TBCA: variants seen among roughly 807,000 people sequenced by gnomAD.
The protein encoded by TBCA is tubulin folding cofactor A.
TBCA carries 6 observed loss-of-function variants against 15.8 expected under a neutral mutation model. That is an observed-to-expected ratio of 0.38 (90% confidence interval 0.21 to 0.75). The LOEUF (loss-of-function observed/expected upper bound fraction) is 0.75. TBCA is among the 30% of genes least tolerant of loss of function. The pLI is 0.46. For missense variants in TBCA, 90 were observed against 131.2 expected (o/e 0.69, Z 1.53); for synonymous variants, 32 against 42.3 (o/e 0.76, Z 0.94).
intron 1 of TBCA, among the ~76,000 whole-genome samples, chr5:77,762,067 C>T (rs1027677131): frequency 2.6e-5 from 4 of 152,168 alleles, no homozygotes; most frequent in Admixed American, 2.6e-4. Flanking sequence ...GTGAGGCACT[C>T]TCCTTCAAAG....
intron 2 of TBCA, among the ~76,000 whole-genome samples, chr5:77,693,939 T>C (rs1027266782): frequency 1.2e-4 from 18 of 152,064 alleles, no homozygotes; most frequent in Admixed American, 1.3e-4. Flanking sequence ...AAGCTTTTCA[T>C]AGAGCATTTA....
At chr5:77,722,727 C>T (rs1014259314) in intron 1 of TBCA, among the ~76,000 whole-genome samples, 2 of 151,786 alleles carry the variant, frequency 1.3e-5, no homozygotes, top group Admixed American at 6.6e-5. Flanking sequence ...AAGTAATATG[C>T]AAAATTCTGA....
At chr5:77,700,395 G>T (rs543345218) in intron 2 of TBCA, among the ~76,000 whole-genome samples, 1 of 151,900 alleles carries the variant, frequency 6.6e-6, no homozygotes, top group African/African-American at 2.4e-5. Context: ...TGGGCAAAAG[G>T]CCTGATCACT....
rs562022661 is a variant in TBCA at position 77,696,047 on chromosome 5, G to A, written c.160-2695C>T. 1.5e-4 allele frequency among the ~76,000 whole-genome samples: 23 copies of A among 152,258 alleles called. No individual in the cohort carries two copies. The South Asian group carries it at 4.2e-3, about 27-fold the overall frequency. ...AATTGGAAAGGATATACCCCAATTG[G>A]CAGATCTTCATTTTTGTCAGAAAGA... On this transcript the variant is annotated intron_variant, in intron 2 of 3. Transcript: ENST00000380377.
Position 77,714,643 on chromosome 5 carries a change from T to C in TBCA, c.54-6296A>G, listed in dbSNP as rs1746357799. Among the ~76,000 whole-genome samples the C allele has an allele frequency of 2.0e-5, 3 of 151,900 alleles. No homozygotes were observed. The South Asian group carries it at 6.3e-4, about 32-fold the overall frequency. On this transcript the variant is annotated intron_variant, in intron 1 of 3. Coordinates refer to ENST00000380377, the MANE Select transcript of TBCA (RefSeq NM_004607.3). ...GTGCAGTGGCGCAATCTCAGCCTAC[T>C]GCAAGCTCCGCCTCCCAGGTTCATG...
intron 1 of TBCA, among the ~76,000 whole-genome samples, chr5:77,772,880 T>C (rs1348297992): frequency 6.6e-6 from 1 of 152,236 alleles, no homozygotes; most frequent in Non-Finnish European, 1.5e-5. Flanking sequence ...TATAATAATC[T>C]CAATGAGTAT....
chr5:77,759,024 CA>C (rs1363935695), intron 1 of TBCA, among the ~76,000 whole-genome samples: 23 of 152,302 alleles, frequency 1.5e-4, no homozygotes, highest in African/African-American at 5.5e-4. Flanking sequence ...GGATAACTGC[CA>C]AACCATCACC....
chr5:77,759,831 A>G (rs1747564840), intron 1 of TBCA, among the ~76,000 whole-genome samples: 1 of 152,212 alleles, frequency 6.6e-6, no homozygotes, highest in Admixed American at 6.5e-5. Context: ...GTATACTTAT[A>G]CAATATACTT....
chr5:77,698,480 C>A (rs182197717), intron 2 of TBCA, among the ~76,000 whole-genome samples: 1 of 152,068 alleles, frequency 6.6e-6, no homozygotes, highest in African/African-American at 2.4e-5. Flanking sequence ...TTAAAAAATA[C>A]TTTTTCTCCA....
intron 1 of TBCA, chr5:77,715,139 T>C: frequency 3.1e-6 from 2 of 655,000 alleles, no homozygotes; most frequent in South Asian, 1.7e-5. Context: ...CAATAAGCTA[T>C]GTAAATAACT....
intron 2 of TBCA, among the ~76,000 whole-genome samples, chr5:77,703,558 T>C (rs1746073796): frequency 6.6e-6 from 1 of 152,152 alleles, no homozygotes; most frequent in Admixed American, 6.5e-5. Flanking sequence ...CCTAGTTGCT[T>C]ATTTTTAAAT....
rs532244070 is a variant in TBCA at position 77,695,909 on chromosome 5, C to T, written c.160-2557G>A. Among the ~76,000 whole-genome samples the T allele has an allele frequency of 2.0e-5, 3 of 152,180 alleles. No homozygotes were observed. In the East Asian group the frequency reaches 5.8e-4, roughly 29 times the overall value. On this transcript the variant is annotated intron_variant, in intron 2 of 3. Coordinates refer to ENST00000380377, the MANE Select transcript of TBCA (RefSeq NM_004607.3). ...ACAAGTTATGGTTTTATAGGGGGTA[C>T]TTATTTGGTAAAATGGAAGTTGGGA...
At chr5:77,755,449 C>T (rs889132905) in intron 1 of TBCA, among the ~76,000 whole-genome samples, 9 of 151,950 alleles carry the variant, frequency 5.9e-5, no homozygotes, top group Non-Finnish European at 1.0e-4. Flanking sequence ...TGGTGGTGCA[C>T]GCCTGTAATC....
intron 1 of TBCA, among the ~76,000 whole-genome samples, chr5:77,766,994 T>G (rs1342875276): frequency 1.3e-5 from 2 of 152,342 alleles, no homozygotes; most frequent in South Asian, 4.1e-4. Flanking sequence ...CGTGAAGAAC[T>G]GTTTGGCCTT....
At chr5:77,768,191 A>G (rs1561286359) in intron 1 of TBCA, among the ~76,000 whole-genome samples, 1 of 152,212 alleles carries the variant, frequency 6.6e-6, no homozygotes. Context: ...TAGCAGCACA[A>G]ATGAACGAAG....
rs147708459 is a variant in TBCA, at chr5:77,752,531, T to TTTTTG, written c.53+23669_53+23673dup. 2.0e-4 allele frequency among the ~76,000 whole-genome samples: 24 copies of TTTTTG among 117,274 alleles called. 4 individuals are homozygous for TTTTTG. Among genetic ancestry groups the TTTTTG allele is most frequent in the African/African-American group, 6.1e-4 (20 of 32,642 alleles). 76.9% of individuals were successfully genotyped at this position (117,274 alleles called of 152,430 possible). On this transcript the variant is annotated intron_variant, in intron 1 of 3. Transcript: ENST00000380377. Reference sequence around the variant, plus strand: ...GGCACATGCCACCATGTCCGGCTTATTTTTGTTTTGTTTTGTTTTGTTTTG... The same window carrying TTTTTG: ...GGCACATGCCACCATGTCCGGCTTATTTTTGTTTTGTTTTGTTTTGTTTTGTTTTG...
At chr5:77,692,888 C>T in intron 3 of TBCA, 1 of 1,169,544 alleles carries the variant, frequency 8.6e-7, no homozygotes, top group Non-Finnish European at 1.1e-6. Flanking sequence ...AATAAGATCC[C>T]AAATTCTTTT....
At chr5:77,771,767 T>C (rs991001332) in intron 1 of TBCA, among the ~76,000 whole-genome samples, 1 of 152,200 alleles carries the variant, frequency 6.6e-6, no homozygotes, top group African/African-American at 2.4e-5. Flanking sequence ...TCAGACCCAC[T>C]ATCAGGAACT....
intron 1 of TBCA, among the ~76,000 whole-genome samples, chr5:77,719,368 C>G (rs1309262013): frequency 6.6e-6 from 1 of 152,120 alleles, no homozygotes; most frequent in Admixed American, 6.5e-5. Context: ...GGTTCAATAT[C>G]TGAATAGCAC....
Sources: gnomAD v4.1 joint callset for allele counts (sites outside exome capture counted in the v4.1 genomes callset) on GRCh38, gnomAD v4.1.1 for gene constraint, MANE v1.5 for transcripts, NCBI Gene and HGNC (gene_info 2026-07-23, HGNC 2026-07-21) for gene names.